Variants in BMPR1B observed in about 807,000 individuals in gnomAD.
The protein encoded by BMPR1B is bone morphogenetic protein receptor type 1B, also known as bone morphogenetic protein receptor type-1B.
A neutral mutation model predicts 59.1 loss-of-function variants in BMPR1B; 12 were observed. The observed-to-expected ratio is 0.20, with a 90% CI of 0.13 to 0.33. The LOEUF (loss-of-function observed/expected upper bound fraction) is 0.33, where lower values mean the gene tolerates loss of function less well. Among genes scored for constraint, BMPR1B ranks in the 10% least tolerant of loss-of-function variants. The pLI is 1.00. For missense variants in BMPR1B, 550 were observed against 610.9 expected (o/e 0.90, Z 1.05); for synonymous variants, 237 against 207.3 (o/e 1.14, Z -1.23).
chr4:95,007,801 T>A (rs1722955072), intron 3 of BMPR1B, among the ~76,000 whole-genome samples: 1 of 152,166 alleles, frequency 6.6e-6, no homozygotes. Flanking sequence ...GTTATCTTAA[T>A]TGCAATATAT....
Position 94,932,791 on chromosome 4 carries a change from A to G in BMPR1B, c.-113+56891A>G, listed in dbSNP as rs563057641. Among the ~76,000 whole-genome samples the G allele has an allele frequency of 2.0e-5, 3 of 152,250 alleles. No homozygotes were observed. The South Asian group carries it at 6.2e-4, about 32-fold the overall frequency. On this transcript the variant is annotated intron_variant, in intron 2 of 12. Coordinates refer to ENST00000515059, the MANE Select transcript of BMPR1B (RefSeq NM_001203.3). Reference sequence around the variant, plus strand: ...GGGATTAATTATGCCTGGAGGAAAGATAGTGTTGGAGGGTATCAGGATTTG... The same window carrying G: ...GGGATTAATTATGCCTGGAGGAAAGGTAGTGTTGGAGGGTATCAGGATTTG...
rs78668001 is a variant in BMPR1B, at chr4:94,805,588, G to A, written c.-183+47520G>A. ...AGCTACAATGAAATGAATTTATAAC[G>A]TATTTATAAGCTACACTTACATTAT... On this transcript the variant is annotated intron_variant, in intron 1 of 12. Transcript: ENST00000515059. Among the ~76,000 whole-genome samples the A allele has an allele frequency of 3.6e-3, 548 of 152,216 alleles. 5 individuals are homozygous for A. The highest frequency in any genetic ancestry group is 0.013 in the African/African-American group (535 of 41,528).
intron 3 of BMPR1B, among the ~76,000 whole-genome samples, chr4:95,076,435 T>A (rs902877128): frequency 3.9e-5 from 6 of 152,264 alleles, no homozygotes; most frequent in African/African-American, 1.4e-4. Flanking sequence ...GTTGGATGCA[T>A]ATGTGAGCCA....
At chr4:94,814,601 T>C (rs1723940837) in intron 1 of BMPR1B, among the ~76,000 whole-genome samples, 1 of 152,156 alleles carries the variant, frequency 6.6e-6, no homozygotes, top group African/African-American at 2.4e-5. Context: ...TATAATGCAA[T>C]ACCCTTATTT....
intron 1 of BMPR1B, among the ~76,000 whole-genome samples, chr4:94,831,230 A>C (rs1463250592): frequency 9.1e-6 from 1 of 109,682 alleles, no homozygotes; most frequent in Non-Finnish European, 2.0e-5. Context: ...AAAGTTTAAA[A>C]AGTAAAAAAA....
chr4:94,941,751 A>T lies in BMPR1B; in HGVS notation c.-112-54289A>T, dbSNP rs930848919. The stretch of plus-strand genomic sequence containing the variant: ...GTGTTTTCCAGGAGAATAAAACCGT[A>T]ATCTAATTCTAATTTGTTGCTTTTT... On this transcript the variant is annotated intron_variant, in intron 2 of 12. Coordinates refer to ENST00000515059, the MANE Select transcript of BMPR1B (RefSeq NM_001203.3). 5.3e-5 allele frequency among the ~76,000 whole-genome samples: 8 copies of T among 152,258 alleles called. 1 individual carries two copies. The highest frequency in any genetic ancestry group is 1.9e-4 in the African/African-American group (8 of 41,554).
At chr4:94,787,927 G>T (rs891671459) in intron 1 of BMPR1B, among the ~76,000 whole-genome samples, 1 of 152,130 alleles carries the variant, frequency 6.6e-6, no homozygotes, top group African/African-American at 2.4e-5. Context: ...TAGGAGGTTT[G>T]AGTGGCCTGT....
intron 2 of BMPR1B, among the ~76,000 whole-genome samples, chr4:94,982,532 A>T (rs1432578804): frequency 6.6e-6 from 1 of 152,170 alleles, no homozygotes; most frequent in Admixed American, 6.5e-5. Flanking sequence ...TACTCCAGCA[A>T]TTCTGATTTC....
chr4:94,786,370 C>CTTT (rs34747185), intron 1 of BMPR1B, among the ~76,000 whole-genome samples: 7 of 140,300 alleles, frequency 5.0e-5, no homozygotes, highest in African/African-American at 7.9e-5. Context: ...AATTCACCAC[C>CTTT]TTTTTTTTTT....
intron 2 of BMPR1B, among the ~76,000 whole-genome samples, chr4:94,992,513 T>A (rs573533728): frequency 1.5e-3 from 231 of 152,324 alleles, no homozygotes; most frequent in African/African-American, 5.2e-3. Flanking sequence ...CCTCATTTTC[T>A]TTATTTAAAA....
intron 1 of BMPR1B, among the ~76,000 whole-genome samples, chr4:94,820,451 G>GTTTA (rs1160803809): frequency 1.3e-5 from 2 of 152,210 alleles, no homozygotes; most frequent in African/African-American, 4.8e-5. Context: ...CTCTGGGAGG[G>GTTTA]CAGGGAGTGT....
intron 3 of BMPR1B, among the ~76,000 whole-genome samples, chr4:95,033,545 ACT>A (rs1268303683): frequency 1.3e-5 from 2 of 151,848 alleles, no homozygotes; most frequent in African/African-American, 4.8e-5. Flanking sequence ...TGTTGGAAAG[ACT>A]CTCTTTTCCC....
chr4:94,827,365 CTGTTTCTCAAATA>C (rs1211530242), intron 1 of BMPR1B, among the ~76,000 whole-genome samples: 5 of 152,068 alleles, frequency 3.3e-5, no homozygotes, highest in Admixed American at 2.0e-4. Flanking sequence ...AACTTTATTT[CTGTTTCTCAAATA>C]TGTTTCTCAA....
Position 95,061,633 on chromosome 4 carries a change from G to C in BMPR1B, c.-17-42775G>C, listed in dbSNP as rs1727406614. 2.6e-5 allele frequency among the ~76,000 whole-genome samples: 4 copies of C among 152,160 alleles called. No individual in the cohort carries two copies. In the South Asian group the frequency reaches 8.3e-4, roughly 32 times the overall value. On this transcript the variant is annotated intron_variant, in intron 3 of 12. Transcript: ENST00000515059. ...AAGAAAATGAAGCAGAAAGTTGTTA[G>C]GTGAATTGTTTAAAGTCTCACTATT...
At chr4:95,058,674 A>G (rs561196555) in intron 3 of BMPR1B, among the ~76,000 whole-genome samples, 205 of 152,326 alleles carry the variant, frequency 1.3e-3, no homozygotes, top group African/African-American at 4.9e-3. Flanking sequence ...GAAACGCCAC[A>G]TGAAATTATC....
intron 3 of BMPR1B, among the ~76,000 whole-genome samples, chr4:95,017,457 G>A (rs888426112): frequency 6.6e-6 from 1 of 152,114 alleles, no homozygotes; most frequent in Non-Finnish European, 1.5e-5. Flanking sequence ...TGTTAGTGTG[G>A]GCCATATGGG....
intron 3 of BMPR1B, among the ~76,000 whole-genome samples, chr4:95,095,032 GTA>G (rs1273346651): frequency 1.3e-5 from 2 of 151,304 alleles, no homozygotes; most frequent in East Asian, 1.9e-4. Context: ...ATTATTTAGT[GTA>G]TATATATATA....
chr4:95,114,025 A>G (rs909846348), intron 4 of BMPR1B, among the ~76,000 whole-genome samples: 1 of 152,072 alleles, frequency 6.6e-6, no homozygotes, highest in Non-Finnish European at 1.5e-5. Flanking sequence ...TCTGTTGCCC[A>G]TCTTTACCCC....
intron 10 of BMPR1B, among the ~76,000 whole-genome samples, chr4:95,136,803 CT>C (rs1560683800): frequency 2.5e-4 from 38 of 151,704 alleles, no homozygotes; most frequent in Non-Finnish European, 1.5e-5. Context: ...TCTCTCTTTT[CT>C]TCTTTATTAG....
Sources: allele counts gnomAD v4.1 joint callset (sites outside exome capture counted in the v4.1 genomes callset), GRCh38; gene constraint gnomAD v4.1.1; transcripts MANE v1.5; gene names NCBI Gene and HGNC (gene_info 2026-07-23, HGNC 2026-07-21).